The following PDS5A variants were observed in gnomAD, a reference collection of about 807,000 sequenced individuals.
PDS5A encodes sister chromatid cohesion protein PDS5 homolog A.
Under a neutral mutation model 167.1 loss-of-function variants are expected in PDS5A, and 42 were observed. That is an observed-to-expected ratio of 0.25 (90% CI 0.20 to 0.33). PDS5A has a LOEUF of 0.33. Among genes scored for constraint, PDS5A ranks in the 10% least tolerant of loss-of-function variants. PDS5A has a pLI of 1.00. For synonymous variants in PDS5A, 553 were observed against 554.6 expected, an observed-to-expected ratio of 1.00 and a Z score of 0.04; for missense variants, 1,033 against 1,605.9, an observed-to-expected ratio of 0.64 and a Z score of 6.10.
chr4:39,929,357 C>T (rs1279132465), intron 2 of PDS5A, among the ~76,000 whole-genome samples: 1 of 151,432 alleles, frequency 6.6e-6, no homozygotes, highest in African/African-American at 2.4e-5. Context: ...AAAGGGACGG[C>T]GGGACTAGCC....
chr4:39,841,421 G>A (rs780325822), intron 31 of PDS5A, among the ~76,000 whole-genome samples: 2 of 152,160 alleles, frequency 1.3e-5, no homozygotes, highest in African/African-American at 2.4e-5. Context: ...ACAGGCATGA[G>A]CCAACGCACC....
chr4:39,955,147 T>C (rs1013155263), intron 2 of PDS5A, among the ~76,000 whole-genome samples: 1 of 152,038 alleles, frequency 6.6e-6, no homozygotes, highest in Non-Finnish European at 1.5e-5. Flanking sequence ...AAAGCCAAAA[T>C]TAGGAATATT....
chr4:39,934,723 C>T (rs1288711050), intron 2 of PDS5A, among the ~76,000 whole-genome samples: 2 of 149,670 alleles, frequency 1.3e-5, no homozygotes, highest in African/African-American at 2.5e-5. Flanking sequence ...AACACCAATA[C>T]TATTAATAAT....
At chr4:39,914,771 A>G (rs2109695205) in intron 8 of PDS5A, among the ~76,000 whole-genome samples, 1 of 152,354 alleles carries the variant, frequency 6.6e-6, no homozygotes, top group South Asian at 2.1e-4. Flanking sequence ...CTAGGAAAAT[A>G]AACATAGTAT....
chr4:39,849,129 C>T (rs944079917), intron 27 of PDS5A, among the ~76,000 whole-genome samples, 159 bp from the exon 28 acceptor site: 4 of 152,020 alleles, frequency 2.6e-5, no homozygotes, highest in African/African-American at 9.7e-5. Context: ...TTTATGCAGC[C>T]TTCTGATAAA....
chr4:39,893,515 C>G (rs577535306), intron 16 of PDS5A, among the ~76,000 whole-genome samples: 88 of 152,258 alleles, frequency 5.8e-4, no homozygotes, highest in Middle Eastern at 6.8e-3. Context: ...GTGACAAATA[C>G]GCATTAGGGT....
At chr4:39,976,290 A>G (rs1187016303) in intron 2 of PDS5A, 150 bp downstream of exon 2, 2 of 565,096 alleles carry the variant, frequency 3.5e-6, no homozygotes, top group Non-Finnish European at 6.2e-6. Flanking sequence ...AAACTCACTC[A>G]AAGATGTTAT....
chr4:39,840,093 A>G (rs1716845926), intron 31 of PDS5A, among the ~76,000 whole-genome samples: 1 of 152,112 alleles, frequency 6.6e-6, no homozygotes, highest in Admixed American at 6.6e-5. Flanking sequence ...CCGTCTCAAA[A>G]AACAAAAGAA....
At chr4:39,964,688 C>A (rs1173333227) in intron 2 of PDS5A, among the ~76,000 whole-genome samples, 1 of 146,952 alleles carries the variant, frequency 6.8e-6, no homozygotes, top group African/African-American at 2.5e-5. Flanking sequence ...GAGCAAGACT[C>A]CATCTCAAAA....
At chr4:39,885,729 G>C (rs960225609) in intron 17 of PDS5A, among the ~76,000 whole-genome samples, 2 of 152,164 alleles carry the variant, frequency 1.3e-5, no homozygotes, top group Non-Finnish European at 2.9e-5. Flanking sequence ...AGCCTGGACG[G>C]CATGGTGAAA....
chr4:39,849,100 A>C, intron 27 of PDS5A, 130 bp from the exon 28 acceptor site: 1 of 700,058 alleles, frequency 1.4e-6, no homozygotes, highest in Non-Finnish European at 2.3e-6. Context: ...TGAACATTCC[A>C]TATTTCTGTT....
Position 39,927,971 on chromosome 4 carries a change from T to C in PDS5A, c.332A>G (p.Asp111Gly). 2.5e-6 allele frequency: 4 copies of C among 1,611,440 alleles called. No homozygotes were observed. Among genetic ancestry groups the C allele is most frequent in the Non-Finnish European group, 3.4e-6 (4 of 1,177,634 alleles). Residue 111 changes from aspartate (D) to glycine (G), a missense_variant, in exon 3 of 33, where the codon GAT becomes GGT. By Grantham distance (94) the Asp-to-Gly change is moderately conservative (BLOSUM62 -1). Around this residue, in one of 4 missense-constraint regions of PDS5A, gnomAD observed 388 missense variants for 615.1 expected, o/e 0.63. Coordinates refer to ENST00000303538, the MANE Select transcript of PDS5A (RefSeq NM_001100399.2). Reference sequence around the variant, plus strand: ...AAAGGCTGTATTTACCTTAAGTTTATCATGGGAAGTATATGGAGCTTCTGG... The same window carrying C: ...AAAGGCTGTATTTACCTTAAGTTTACCATGGGAAGTATATGGAGCTTCTGG... Reference protein sequence around the residue: ...YAPEAPYTSHDKLKDIFLFIT... With the variant: ...YAPEAPYTSHGKLKDIFLFIT...
intron 10 of PDS5A, chr4:39,908,794 C>A (rs1460353496): frequency 2.5e-6 from 1 of 398,534 alleles, no homozygotes; most frequent in Non-Finnish European, 4.5e-6. Context: ...GAGGCTGAGG[C>A]AGGCAGGCAG....
chr4:39,835,759 G>A (rs949694990), intron 32 of PDS5A, among the ~76,000 whole-genome samples: 2 of 151,996 alleles, frequency 1.3e-5, no homozygotes, highest in Non-Finnish European at 2.9e-5. Flanking sequence ...CTGACCTCAG[G>A]TGATCCGCCT....
intron 30 of PDS5A, among the ~76,000 whole-genome samples, chr4:39,842,832 A>G (rs1428629077): frequency 6.7e-6 from 1 of 149,456 alleles, no homozygotes; most frequent in Non-Finnish European, 1.5e-5. Flanking sequence ...AATATACTGA[A>G]TACTTAACAT....
Position 39,838,272 on chromosome 4 carries a change from A to G in PDS5A, c.3658-64T>C. ...TTAAATATTAATGATCTCTATTAGAAAAGAGTGTTTTGAAAGTATTTTAAA... is the reference window on the plus strand; with the variant it reads ...TTAAATATTAATGATCTCTATTAGAGAAGAGTGTTTTGAAAGTATTTTAAA... On this transcript the variant is annotated intron_variant, in intron 31 of 32. Coordinates refer to ENST00000303538, the MANE Select transcript of PDS5A (RefSeq NM_001100399.2). The G allele has an allele frequency of 2.5e-6, 3 of 1,178,308 alleles. No individual in the cohort carries two copies. In the South Asian group the frequency reaches 4.9e-5, roughly 19 times the overall value. 73.0% of individuals were successfully genotyped at this position (1,178,308 alleles called of 1,614,324 possible).
At chr4:39,840,401 G>A (rs1716881451) in intron 31 of PDS5A, among the ~76,000 whole-genome samples, 1 of 152,218 alleles carries the variant, frequency 6.6e-6, no homozygotes, top group African/African-American at 2.4e-5. Context: ...TTGGGAGGCT[G>A]AGGAGGGTGG....
chr4:39,965,713 A>G (rs1480202970), intron 2 of PDS5A, among the ~76,000 whole-genome samples: 1 of 152,208 alleles, frequency 6.6e-6, no homozygotes, highest in Non-Finnish European at 1.5e-5. Flanking sequence ...CCTTTTGGCT[A>G]AGATCAAGTG....
chr4:39,948,982 C>A (rs530263317), intron 2 of PDS5A, among the ~76,000 whole-genome samples: 85 of 152,118 alleles, frequency 5.6e-4, no homozygotes, highest in African/African-American at 2.0e-3. Flanking sequence ...CACCTATACA[C>A]TACAGTATTA....
Sources: allele counts gnomAD v4.1 joint callset (sites outside exome capture counted in the v4.1 genomes callset), GRCh38; gene constraint gnomAD v4.1.1; regional missense constraint gnomAD v4.1.1; transcripts MANE v1.5; gene names NCBI Gene and HGNC (gene_info 2026-07-23, HGNC 2026-07-21).